The following SH3BP2 variants were observed in gnomAD, a reference collection of about 807,000 sequenced individuals.
The protein encoded by SH3BP2 is SH3 domain binding protein 2.
A neutral mutation model predicts 56.2 loss-of-function variants in SH3BP2; 38 were observed. That is an observed-to-expected ratio of 0.68 (90% CI 0.52 to 0.89). The LOEUF is 0.89. Among genes scored for constraint, SH3BP2 ranks in the 40% least tolerant of loss-of-function variants. The probability of loss-of-function intolerance (pLI) is 0.00; values close to 1 mark genes in which losing one functional copy is unlikely to be tolerated. For synonymous variants in SH3BP2, 346 were observed against 316.7 expected, an observed-to-expected ratio of 1.09 and a Z score of -0.98; for missense variants, 748 against 762.6, an observed-to-expected ratio of 0.98 and a Z score of 0.23.
At chr4:2,820,090 C>T (rs922742006) in intron 1 of SH3BP2, among the ~76,000 whole-genome samples, 2 of 152,174 alleles carry the variant, frequency 1.3e-5, no homozygotes, top group Non-Finnish European at 2.9e-5. Context: ...CTCTGTCCTC[C>T]AGCATCTGAG....
At position 2,824,348 on chromosome 4, in the gene SH3BP2, C is replaced by T. The variant is rs113356605; in HGVS notation, c.240-265C>T. Among the ~76,000 whole-genome samples, 1,412 of 152,202 alleles carry T rather than the reference C, an allele frequency of 9.3e-3. 14 individuals are homozygous for T. Among genetic ancestry groups the T allele is most frequent in the African/African-American group, 0.032 (1,325 of 41,514 alleles). On this transcript the variant is annotated intron_variant, in intron 3 of 12. Coordinates refer to ENST00000503393, the MANE Select transcript of SH3BP2 (RefSeq NM_001122681.2). ...CATGTAAAGTGGCATTGGCGGGCAT[C>T]GAGGCAGGTTTGTCCTTGTCTCCTG...
chr4:2,797,178 A>T (rs1723093911), intron 1 of SH3BP2, among the ~76,000 whole-genome samples: 1 of 151,924 alleles, frequency 6.6e-6, no homozygotes, highest in Admixed American at 6.6e-5. Flanking sequence ...CACTGTCCTG[A>T]GCTAGGCATA....
At chr4:2,803,989 C>T (rs754450797) in intron 1 of SH3BP2, among the ~76,000 whole-genome samples, 19 of 152,174 alleles carry the variant, frequency 1.2e-4, no homozygotes, top group East Asian at 7.7e-4. Flanking sequence ...CCCCTGTGCC[C>T]GATACCATGA....
In SH3BP2 at chr4:2,829,455, C is replaced by G. The variant is rs16843167; in HGVS notation, c.587-38C>G. The G allele has an allele frequency of 0.05, 80,822 of 1,608,566 alleles. 3,337 individuals carry two copies. The highest frequency in any genetic ancestry group is 0.21 in the African/African-American group (15,605 of 74,816). ...CAGCAGAGGATAGTGTTGGCCCAGT[C>G]TCTGTCAGGGTCCAACCCGGGTCTC... On this transcript the variant is annotated intron_variant, in intron 7 of 12. Transcript: ENST00000503393. This position sits in a 1 kb window ranked among gnomAD's most constrained non-coding sequence, Gnocchi z 4.9.
rs1452442530 is a variant in SH3BP2 at position 2,840,595 on chromosome 4, T to C, written c.*6761T>C. 3.3e-5 allele frequency: 5 copies of C among 152,250 alleles called. No homozygotes were observed. Among genetic ancestry groups the C allele is most frequent in the Non-Finnish European group, 7.3e-5 (5 of 68,054 alleles). The allele number at this position is 152,250 out of a possible 1,614,324, so 9.4% of individuals were successfully genotyped here. On this transcript the variant is annotated 3_prime_UTR_variant, in exon 13 of 13. Transcript: ENST00000503393. ...CAATATCAAGCTGTCTTCATTATTA[T>C]CAATTATGTATTGAGATCTGATAAA...
At chr4:2,797,167 C>T (rs1378507698) in intron 1 of SH3BP2, among the ~76,000 whole-genome samples, 2 of 152,148 alleles carry the variant, frequency 1.3e-5, no homozygotes, top group African/African-American at 2.4e-5. Flanking sequence ...GCAGCCCTGT[C>T]CACTGTCCTG....
intron 4 of SH3BP2, 142 bp downstream of exon 4, chr4:2,824,872 A>G: frequency 1.4e-6 from 1 of 727,266 alleles, no homozygotes; most frequent in Non-Finnish European, 2.4e-6. Context: ...GCTGGGACAC[A>G]GGCAGCTGGG....
At chr4:2,828,827 G>A (rs1433355917) in intron 7 of SH3BP2, among the ~76,000 whole-genome samples, 1 of 152,164 alleles carries the variant, frequency 6.6e-6, no homozygotes, top group East Asian at 1.9e-4. Flanking sequence ...CCAGCCTGGC[G>A]CCTGCCCTGT....
rs1274864384 is a variant in SH3BP2 at position 2,835,521 on chromosome 4, C to G, written c.*1687C>G. 6.6e-6 allele frequency: 1 copy of G among 152,294 alleles called. No homozygotes were observed. The highest frequency in any genetic ancestry group is 1.9e-4 in the East Asian group (1 of 5,206). The allele number at this position is 152,294 out of a possible 1,614,324, so 9.4% of individuals were successfully genotyped here. A position where few individuals can be genotyped will look rare whatever the true frequency, so the allele number is the denominator to read the frequency against. On this transcript the variant is annotated 3_prime_UTR_variant, in exon 13 of 13. Coordinates refer to ENST00000503393, the MANE Select transcript of SH3BP2 (RefSeq NM_001122681.2). ...ATCTCTGGAAAACCAGCCATTCCTC[C>G]TCCCTGCAGTCAGAATTCTTTGCCC...
chr4:2,803,819 CG>C (rs1462397486), intron 1 of SH3BP2, among the ~76,000 whole-genome samples: 11 of 152,176 alleles, frequency 7.2e-5, no homozygotes, highest in Non-Finnish European at 8.8e-5. Flanking sequence ...AGGACGCTGG[CG>C]GATGTGTCAA....
intron 1 of SH3BP2, among the ~76,000 whole-genome samples, chr4:2,799,700 C>G (rs1459907567): frequency 6.6e-6 from 1 of 152,188 alleles, no homozygotes; most frequent in African/African-American, 2.4e-5. Flanking sequence ...CGAAGACCTA[C>G]CCAGAGCCAC....
At chr4:2,796,446 C>G in intron 1 of SH3BP2, 1 of 985,518 alleles carries the variant, frequency 1.0e-6, no homozygotes, top group Non-Finnish European at 1.2e-6. Context: ...ACAGATCGTG[C>G]TGGAACTGCT....
At chr4:2,795,914 G>A (rs538515517) in intron 1 of SH3BP2, among the ~76,000 whole-genome samples, 1 of 152,306 alleles carries the variant, frequency 6.6e-6, no homozygotes, top group African/African-American at 2.4e-5. Flanking sequence ...GGACACCGAG[G>A]GGCTGGAGAC....
Position 2,812,551 on chromosome 4 carries a change from C to T in SH3BP2, c.-4-8063C>T, listed in dbSNP as rs370168540. The T allele has an allele frequency of 4.0e-5, 60 of 1,496,398 alleles. 1 individual carries two copies. The African/African-American group carries it at 4.7e-4, about 12-fold the overall frequency. 92.7% of individuals were successfully genotyped at this position (1,496,398 alleles called of 1,614,324 possible). On this transcript the variant is annotated intron_variant, in intron 1 of 12. Transcript: ENST00000503393. ...AGCACCTGAAGAACCAGTAAGGGGG[C>T]CCCACGTGGGAGCCACAGCCTTCCT...
In SH3BP2 at chr4:2,840,645, C is replaced by A. The variant is rs958969538; in HGVS notation, c.*6811C>A. ...AGTAAGTCTTTTCCACCTTATTTTT[C>A]TTCTTTGAGAGTGTCTTGACTATTC... On this transcript the variant is annotated 3_prime_UTR_variant, in exon 13 of 13. Coordinates refer to ENST00000503393, the MANE Select transcript of SH3BP2 (RefSeq NM_001122681.2). 2 of 152,154 alleles carry A rather than the reference C, an allele frequency of 1.3e-5. No individual in the cohort carries two copies. Among genetic ancestry groups the A allele is most frequent in the African/African-American group, 4.8e-5 (2 of 41,420 alleles). The allele number at this position is 152,154 out of a possible 1,614,324, so 9.4% of individuals were successfully genotyped here.
intron 8 of SH3BP2, among the ~76,000 whole-genome samples, chr4:2,830,642 C>T (rs1032505680): frequency 6.6e-6 from 1 of 152,220 alleles, no homozygotes; most frequent in Non-Finnish European, 1.5e-5. Flanking sequence ...AGATTACGGG[C>T]GTGAGCCACC....
intron 1 of SH3BP2, chr4:2,818,760 A>T (rs1724139986): frequency 2.0e-6 from 2 of 987,894 alleles, no homozygotes; most frequent in Non-Finnish European, 2.4e-6. Flanking sequence ...CCCGCCCCTG[A>T]CCCCTCCCTG....
intron 1 of SH3BP2, among the ~76,000 whole-genome samples, chr4:2,805,413 G>C (rs1723492374): frequency 6.6e-6 from 1 of 152,210 alleles, no homozygotes; most frequent in African/African-American, 2.4e-5. Context: ...TGGAAGAAGT[G>C]GGGTGCCTGG....
chr4:2,801,868 G>T (rs1048304258), intron 1 of SH3BP2, among the ~76,000 whole-genome samples: 1 of 152,264 alleles, frequency 6.6e-6, no homozygotes, highest in Non-Finnish European at 1.5e-5. Flanking sequence ...AGCACTTTGG[G>T]AGGCCAAGGC....
Sources: allele counts gnomAD v4.1 joint callset (sites outside exome capture counted in the v4.1 genomes callset), GRCh38; gene constraint gnomAD v4.1.1; non-coding constraint Gnocchi (gnomAD v3.1); transcripts MANE v1.5; gene names NCBI Gene and HGNC (gene_info 2026-07-23, HGNC 2026-07-21).